PLXNC1: variants seen among roughly 807,000 people sequenced by gnomAD.
The protein encoded by PLXNC1 is plexin-C1.
PLXNC1 carries 75 observed loss-of-function variants against 178.2 expected under a neutral mutation model. The observed-to-expected ratio is 0.42, with a 90% CI of 0.35 to 0.51. The LOEUF is 0.51. PLXNC1 is among the 20% of genes least tolerant of loss of function. The pLI, the probability that PLXNC1 is intolerant of heterozygous loss-of-function variation, is 0.02. For missense variants in PLXNC1, 1,503 were observed against 1,984.4 expected, an observed-to-expected ratio of 0.76 and a Z score of 4.61; for synonymous variants, 790 against 779.9, an observed-to-expected ratio of 1.01 and a Z score of -0.22.
chr12:94,167,990 G>A (rs1353893620), intron 1 of PLXNC1: 1 of 152,172 alleles, frequency 6.6e-6, no homozygotes, highest in Non-Finnish European at 1.5e-5. Flanking sequence ...TAGTTTAGAT[G>A]TTAATGAAAC....
chr12:94,255,678 T>C (rs1231484991), intron 17 of PLXNC1, among the ~76,000 whole-genome samples: 2 of 152,228 alleles, frequency 1.3e-5, no homozygotes, highest in African/African-American at 2.4e-5. Flanking sequence ...ATGACTTACA[T>C]TGCAGTGACT....
rs7978566 is a variant in PLXNC1, at chr12:94,266,344, G to A, written c.3597+1119G>A. On this transcript the variant is annotated intron_variant, in intron 21 of 30. Transcript: ENST00000258526. ...AGCTGCCATCCGAGAGCGGGAAGCT[G>A]AGCTGAAAGTCAACACTTCTCAGCG... is the stretch of plus-strand genomic sequence containing the variant. 5.4e-3 allele frequency among the ~76,000 whole-genome samples: 820 copies of A among 152,280 alleles called. 4 individuals carry two copies. The highest frequency in any genetic ancestry group is 0.02 in the Middle Eastern group (6 of 294).
intron 3 of PLXNC1, among the ~76,000 whole-genome samples, chr12:94,182,116 C>T (rs1421450313): frequency 2.0e-5 from 3 of 152,116 alleles, no homozygotes; most frequent in African/African-American, 7.2e-5. Flanking sequence ...TTACCAAGTG[C>T]TGTCACCAAG....
intron 8 of PLXNC1, 116 bp from the exon 9 acceptor site, chr12:94,227,033 A>AT: frequency 1.3e-6 from 1 of 748,694 alleles, no homozygotes; most frequent in Non-Finnish European, 2.3e-6. Flanking sequence ...CAAAAAAAAA[A>AT]GGTTTAACCA....
At position 94,260,720 on chromosome 12, in the gene PLXNC1, C is replaced by G. The variant is rs1307014689; in HGVS notation, c.3330C>G (p.Thr1110=). 1.2e-6 allele frequency: 2 copies of G among 1,614,116 alleles called. No homozygotes were observed. Among genetic ancestry groups the G allele is most frequent in the South Asian group, 2.2e-5 (2 of 91,076 alleles). The change falls in exon 20 of 31, where the codon ACC becomes ACG. Residue 1110 remains threonine (T), a synonymous_variant. Coordinates refer to ENST00000258526, the MANE Select transcript of PLXNC1 (RefSeq NM_005761.3). The surrounding 1 kb of genome is among the most constrained non-coding windows in gnomAD (Gnocchi z 4.4). ...VYLTSILEVL[T]RDLMEQCSNM... is the part of the protein sequence containing the mutation. ...TGACCAGCATCCTAGAGGTGCTGAC[C>G]AGGGACTTGATGGAACAGTGTAGTA...
At chr12:94,177,227 A>G (rs111670238) in intron 2 of PLXNC1, among the ~76,000 whole-genome samples, 3 of 27,288 alleles carry the variant, frequency 1.1e-4, no homozygotes, top group Non-Finnish European at 1.9e-4. Flanking sequence ...GTGTATATAT[A>G]TACATATATA....
At chr12:94,257,546 G>A (rs987538929) in intron 17 of PLXNC1, among the ~76,000 whole-genome samples, 2 of 152,172 alleles carry the variant, frequency 1.3e-5, no homozygotes, top group Non-Finnish European at 2.9e-5. Context: ...GGCCGAGGCG[G>A]GTGGATCACT....
chr12:94,166,982 C>A (rs1336708500), intron 1 of PLXNC1, among the ~76,000 whole-genome samples: 1 of 152,048 alleles, frequency 6.6e-6, no homozygotes, highest in African/African-American at 2.4e-5. Context: ...CCAGGCTGGT[C>A]TCCAACTCTT....
chr12:94,301,096 T>G (rs55787485), intron 28 of PLXNC1, 39 bp downstream of exon 28: 106,703 of 1,589,090 alleles, frequency 0.067, 4,200 homozygotes, highest in Non-Finnish European at 0.08. Context: ...TGCAGTCTTA[T>G]GAGTTTGACA....
intron 3 of PLXNC1, among the ~76,000 whole-genome samples, chr12:94,184,292 ATTTTTT>A (rs758076836): frequency 1.4e-5 from 2 of 142,588 alleles, no homozygotes; most frequent in African/African-American, 2.6e-5. Flanking sequence ...TAATTTTTGT[ATTTTTT>A]TTTTTTTAAT....
intron 1 of PLXNC1, among the ~76,000 whole-genome samples, chr12:94,159,749 G>A (rs890236798): frequency 6.6e-6 from 1 of 152,214 alleles, no homozygotes; most frequent in African/African-American, 2.4e-5. Context: ...TGCCCTGTGG[G>A]GAATGGATGA....
chr12:94,285,314 C>A (rs1966769193), intron 23 of PLXNC1, among the ~76,000 whole-genome samples: 1 of 152,170 alleles, frequency 6.6e-6, no homozygotes, highest in African/African-American at 2.4e-5. Context: ...TGAGACTGTT[C>A]CCGAGCAGAG....
intron 1 of PLXNC1, among the ~76,000 whole-genome samples, chr12:94,162,032 A>G (rs1296423418): frequency 6.6e-6 from 1 of 152,226 alleles, no homozygotes; most frequent in Non-Finnish European, 1.5e-5. Context: ...GTAGAATACA[A>G]TACTATTGGA....
At chr12:94,151,902 T>C (rs559469228) in intron 1 of PLXNC1, among the ~76,000 whole-genome samples, 1 of 152,314 alleles carries the variant, frequency 6.6e-6, no homozygotes, top group South Asian at 2.1e-4. Flanking sequence ...GGAGGGGCAG[T>C]GGCAGAGGAA....
At chr12:94,188,326 T>TTC (rs1555196924) in intron 4 of PLXNC1, among the ~76,000 whole-genome samples, 1 of 148,082 alleles carries the variant, frequency 6.8e-6, no homozygotes, top group Non-Finnish European at 1.5e-5. Flanking sequence ...TTTTGTCCTT[T>TTC]TTTTTTTTTT....
chr12:94,210,066 C>T lies in PLXNC1; in HGVS notation c.1554+362C>T, dbSNP rs185002040. ...AAAAGAGGTTCAGATTCATGGTCAACGAGATACCTTAAAGGTGGCTTAATT... is the reference window on the plus strand; with the variant it reads ...AAAAGAGGTTCAGATTCATGGTCAATGAGATACCTTAAAGGTGGCTTAATT... On this transcript the variant is annotated intron_variant, in intron 5 of 30. Coordinates refer to ENST00000258526, the MANE Select transcript of PLXNC1 (RefSeq NM_005761.3). Among the ~76,000 whole-genome samples the T allele has an allele frequency of 3.2e-4, 49 of 150,916 alleles. No homozygotes were observed. The East Asian group carries it at 6.7e-3, about 21-fold the overall frequency.
chr12:94,196,525 C>A (rs1248703793), intron 4 of PLXNC1, among the ~76,000 whole-genome samples: 1 of 152,202 alleles, frequency 6.6e-6, no homozygotes, highest in East Asian at 1.9e-4. Context: ...CCTGTAAAAT[C>A]ATGAGCCAAT....
chr12:94,203,342 A>G (rs1411250954), intron 4 of PLXNC1, among the ~76,000 whole-genome samples: 1 of 152,204 alleles, frequency 6.6e-6, no homozygotes, highest in Non-Finnish European at 1.5e-5. Flanking sequence ...TGGCATCTAC[A>G]AGGCTCTGAG....
chr12:94,154,471 T>A (rs1157567193), intron 1 of PLXNC1, among the ~76,000 whole-genome samples: 1 of 152,226 alleles, frequency 6.6e-6, no homozygotes, highest in Non-Finnish European at 1.5e-5. Flanking sequence ...AACTCATGAA[T>A]CCAGAGAATA....
Sources: gnomAD v4.1 joint callset for allele counts (sites outside exome capture counted in the v4.1 genomes callset) on GRCh38, gnomAD v4.1.1 for gene constraint, Gnocchi (gnomAD v3.1) non-coding constraint, MANE v1.5 for transcripts, NCBI Gene and HGNC (gene_info 2026-07-23, HGNC 2026-07-21) for gene names.